The following MGAT4C variants were observed in gnomAD, a reference collection of about 807,000 sequenced individuals.
MGAT4C encodes MGAT4 family member C, also known as alpha-1,3-mannosyl-glycoprotein 4-beta-N-acetylglucosaminyltransferase C.
MGAT4C carries 19 observed loss-of-function variants against 40.1 expected under a neutral mutation model. That is an observed-to-expected ratio of 0.47 (90% CI 0.33 to 0.70). MGAT4C has a LOEUF of 0.70. Among genes scored for constraint, MGAT4C ranks in the 30% least tolerant of loss-of-function variants. The pLI is 0.02. For missense variants in MGAT4C, 491 were observed against 563.2 expected (o/e 0.87, Z 1.30); for synonymous variants, 181 against 187.1 (o/e 0.97, Z 0.27).
chr12:86,815,506 G>T (rs1212128999), intron 1 of MGAT4C, among the ~76,000 whole-genome samples: 1 of 145,384 alleles, frequency 6.9e-6, no homozygotes, highest in Non-Finnish European at 1.5e-5. Flanking sequence ...TATCTACCCA[G>T]AAGAAAATAA....
At chr12:86,680,405 G>GA (rs1282831776) in intron 2 of MGAT4C, among the ~76,000 whole-genome samples, 1 of 151,812 alleles carries the variant, frequency 6.6e-6, no homozygotes, top group Non-Finnish European at 1.5e-5. Flanking sequence ...CTAAGAGAGA[G>GA]AAAAAAATGA....
intron 3 of MGAT4C, among the ~76,000 whole-genome samples, chr12:86,370,872 C>A (rs1262409243): frequency 6.6e-6 from 1 of 152,040 alleles, no homozygotes; most frequent in Non-Finnish European, 1.5e-5. Flanking sequence ...AAGGCTGCAT[C>A]ACAGCCCTTA....
At chr12:85,989,616 T>C in intron 2 of MGAT4C, 64 bp from the exon 3 acceptor site, 2 of 1,415,514 alleles carry the variant, frequency 1.4e-6, no homozygotes, top group Non-Finnish European at 1.9e-6. Context: ...CTTTATCGCA[T>C]ATATAAAAGT....
At chr12:86,547,991 A>T (rs921550505) in intron 2 of MGAT4C, among the ~76,000 whole-genome samples, 3 of 152,178 alleles carry the variant, frequency 2.0e-5, no homozygotes, top group Non-Finnish European at 4.4e-5. Context: ...CCATTAGGTT[A>T]TCTGAAGAAG....
At chr12:86,752,402 C>T (rs929044931) in intron 1 of MGAT4C, among the ~76,000 whole-genome samples, 1 of 151,980 alleles carries the variant, frequency 6.6e-6, no homozygotes, top group Non-Finnish European at 1.5e-5. Context: ...AATCAGATAA[C>T]ACTAATCGTC....
At chr12:86,636,376 G>A (rs1259974241) in intron 2 of MGAT4C, among the ~76,000 whole-genome samples, 1 of 151,922 alleles carries the variant, frequency 6.6e-6, no homozygotes, top group African/African-American at 2.4e-5. Flanking sequence ...TTACTACTGT[G>A]TCAATAGTAC....
chr12:86,178,378 G>T (rs1270315988), intron 1 of MGAT4C, among the ~76,000 whole-genome samples: 2 of 152,184 alleles, frequency 1.3e-5, no homozygotes, highest in African/African-American at 4.8e-5. Context: ...TGCAGCATTT[G>T]TAATCTCTAT....
At chr12:86,838,192 A>T (rs1415218207) in intron 1 of MGAT4C, among the ~76,000 whole-genome samples, 1 of 152,192 alleles carries the variant, frequency 6.6e-6, no homozygotes, top group Non-Finnish European at 1.5e-5. Context: ...TACTTTCATC[A>T]TTCAAATATT....
chr12:86,681,009 A>G (rs1593109108), intron 2 of MGAT4C, among the ~76,000 whole-genome samples: 1 of 152,006 alleles, frequency 6.6e-6, no homozygotes, highest in South Asian at 2.1e-4. Context: ...GATGATGGTA[A>G]TTTATTTCAA....
chr12:86,436,827 T>C lies in MGAT4C; in HGVS notation c.-228-1562A>G, dbSNP rs80134620. The stretch of plus-strand genomic sequence containing the variant: ...ATACATTGAGACCTTTTCCTATGCC[T>C]AATTATTTTGGAAATTATTTGCAAA... On this transcript the variant is annotated intron_variant, in intron 2 of 7. Coordinates refer to the MGAT4C transcript ENST00000548651. Among the ~76,000 whole-genome samples, 495 of 151,920 alleles carry C rather than the reference T, an allele frequency of 3.3e-3. 2 individuals are homozygous for C. Among genetic ancestry groups the C allele is most frequent in the African/African-American group, 0.011 (474 of 41,538 alleles).
chr12:86,585,963 A>ATTATTG (rs1313723679), intron 2 of MGAT4C, among the ~76,000 whole-genome samples: 1 of 149,820 alleles, frequency 6.7e-6, no homozygotes, highest in Non-Finnish European at 1.5e-5. Flanking sequence ...AATTATTATT[A>ATTATTG]TTATACTTTA....
intron 1 of MGAT4C, among the ~76,000 whole-genome samples, chr12:86,739,158 A>G (rs1325891310): frequency 1.3e-5 from 2 of 148,538 alleles, no homozygotes; most frequent in South Asian, 2.1e-4. Context: ...AAAAAAAAAA[A>G]AAAAATCTAT....
intron 3 of MGAT4C, among the ~76,000 whole-genome samples, chr12:86,342,641 A>T (rs1415091540): frequency 6.6e-6 from 1 of 151,980 alleles, no homozygotes; most frequent in Non-Finnish European, 1.5e-5. Flanking sequence ...GGGTTTCACC[A>T]TGTTAGCCAG....
intron 3 of MGAT4C, among the ~76,000 whole-genome samples, chr12:86,417,851 ACTAT>A (rs533603130): frequency 8.6e-4 from 131 of 152,226 alleles, no homozygotes; most frequent in African/African-American, 3.0e-3. Context: ...CTTTACATAG[ACTAT>A]CTAATTTAAT....
At chr12:86,347,158 G>A (rs1955054462) in intron 3 of MGAT4C, among the ~76,000 whole-genome samples, 2 of 152,090 alleles carry the variant, frequency 1.3e-5, no homozygotes, top group Admixed American at 6.6e-5. Flanking sequence ...TATCGTCTGA[G>A]TCAATTCTCC....
intron 1 of MGAT4C, among the ~76,000 whole-genome samples, chr12:86,081,237 G>A (rs192353030): frequency 3.9e-5 from 6 of 152,104 alleles, no homozygotes; most frequent in East Asian, 1.9e-4. Flanking sequence ...ATGCATCCTG[G>A]CACACTATAG....
intron 1 of MGAT4C, among the ~76,000 whole-genome samples, chr12:86,108,063 A>G (rs1215205960): frequency 6.6e-6 from 1 of 152,104 alleles, no homozygotes; most frequent in Admixed American, 6.6e-5. Context: ...TACACATCTC[A>G]GCTGGAGAAT....
chr12:86,159,815 A>T (rs1199000581), intron 1 of MGAT4C, among the ~76,000 whole-genome samples: 1 of 151,954 alleles, frequency 6.6e-6, no homozygotes, highest in African/African-American at 2.4e-5. Context: ...ATTTATGTGC[A>T]TAGTTGTCCA....
intron 2 of MGAT4C, among the ~76,000 whole-genome samples, chr12:86,035,625 G>T (rs1339985975): frequency 6.7e-6 from 1 of 149,586 alleles, no homozygotes; most frequent in Non-Finnish European, 1.5e-5. Context: ...CATTTCTTTT[G>T]GTGTTTTAGT....
Sources: allele counts gnomAD v4.1 joint callset (sites outside exome capture counted in the v4.1 genomes callset), GRCh38; gene constraint gnomAD v4.1.1; transcripts MANE v1.5; gene names NCBI Gene and HGNC (gene_info 2026-07-23, HGNC 2026-07-21).